The following LAMA1 variants were observed in gnomAD, a reference collection of about 807,000 sequenced individuals.
LAMA1 encodes laminin subunit alpha 1.
A neutral mutation model predicts 348.7 loss-of-function variants in LAMA1; 219 were observed. The observed-to-expected ratio is 0.63, with a 90% confidence interval of 0.56 to 0.70. The LOEUF is 0.70. Ranked by LOEUF, LAMA1 falls within the 30% of genes least tolerant of loss-of-function variation. The pLI is 0.00. For missense variants in LAMA1, 3,744 were observed against 3,888.0 expected, an observed-to-expected ratio of 0.96 and a Z score of 0.99; for synonymous variants, 1,487 against 1,491.0, an observed-to-expected ratio of 1.00 and a Z score of 0.06.
At position 7,080,047 on chromosome 18, in the gene LAMA1, G is replaced by C; in HGVS notation, c.273C>G (p.Asn91Lys). The C allele has an allele frequency of 6.2e-7, 1 of 1,614,062 alleles. No homozygotes were observed. Among genetic ancestry groups the C allele is most frequent in the Non-Finnish European group, 8.5e-7 (1 of 1,179,904 alleles). The stretch of plus-strand genomic sequence containing the variant: ...TCTGAATGCTGGGACTTTGCCACCA[G>C]TTATTGGTGCCATCTATGGCATGTG... ...PISHAIDGTN[N>K]WWQSPSIQNG... The change falls in exon 3 of 63, where the codon AAC becomes AAG. Residue 91 changes from asparagine to lysine, a missense_variant. By Grantham distance (94) the Asn-to-Lys change is moderately conservative. Transcript: ENST00000389658.
intron 8 of LAMA1, chr18:7,042,918 A>C: frequency 3.1e-6 from 1 of 318,038 alleles, no homozygotes; most frequent in East Asian, 6.5e-5. Flanking sequence ...TTGGCTGAAC[A>C]TCTCCTACAG....
intron 3 of LAMA1, among the ~76,000 whole-genome samples, chr18:7,058,269 T>G (rs1038874643): frequency 7.2e-5 from 11 of 152,178 alleles, no homozygotes. Flanking sequence ...ACTTTTATCT[T>G]GATCAAAGAC....
Position 6,997,815 on chromosome 18 carries a change from A to T in LAMA1, c.4733T>A (p.Leu1578Gln), listed in dbSNP as rs2057789566. The T allele has an allele frequency of 6.2e-7, 1 of 1,613,966 alleles. No individual in the cohort carries two copies. The highest frequency in any genetic ancestry group is 1.3e-5 in the African/African-American group (1 of 74,942). Residue 1578 changes from leucine to glutamine, a missense_variant, in exon 33 of 63, where the codon CTG becomes CAG. Physicochemically the swap from Leu to Gln is moderately radical, Grantham distance 113. This residue lies in a region of LAMA1 where 1,983 missense variants were observed against 1,934.3 expected (regional missense o/e 1.03). Transcript: ENST00000389658. The stretch of plus-strand genomic sequence containing the variant: ...GACAGGGATAATGCCAGTGAGGTTC[A>T]GAGAAAGAACGGCATCACCAATCTC... ...LDEIGDAVLS[L>Q]NLTGIIPVPY...
chr18:6,965,314 ATT>A lies in LAMA1; in HGVS notation c.7167_7168del (p.Lys2389AsnfsTer19). 1 of 1,614,182 alleles carries A rather than the reference ATT, an allele frequency of 6.2e-7. No homozygotes were observed. Among genetic ancestry groups the A allele is most frequent in the East Asian group, 2.2e-5 (1 of 44,880 alleles). ...TTGCTTCCGGTTTCGCTGGAAGGCAATTTTGTACCAGGTTCCATTGTTATAAC... is the reference window on the plus strand; with the variant it reads ...TTGCTTCCGGTTTCGCTGGAAGGCAATTGTACCAGGTTCCATTGTTATAAC... On this transcript the variant is annotated frameshift_variant, in exon 50 of 63. Transcript: ENST00000389658. LOFTEE classifies it high-confidence loss of function.
At chr18:7,083,158 T>C (rs2143787723) in intron 1 of LAMA1, among the ~76,000 whole-genome samples, 1 of 152,048 alleles carries the variant, frequency 6.6e-6, no homozygotes, top group Admixed American at 6.6e-5. Context: ...TAGACAGGTT[T>C]CTTACCTGGC....
chr18:7,017,390 C>T lies in LAMA1; in HGVS notation c.2702-6G>A. ...TTTCACATGGCATTCACAGGCTAAA[C>T]ACATGCACACAAAGACATATTAACC... On this transcript the variant is annotated splice_region_variant and splice_polypyrimidine_tract_variant and intron_variant, in intron 19 of 62. Coordinates refer to ENST00000389658, the MANE Select transcript of LAMA1 (RefSeq NM_005559.4). 6.2e-7 allele frequency: 1 copy of T among 1,600,096 alleles called. No individual in the cohort carries two copies. The highest frequency in any genetic ancestry group is 1.3e-5 in the African/African-American group (1 of 74,648).
chr18:6,992,491 C>G (rs1330871209), intron 36 of LAMA1, 70 bp downstream of exon 36: 4 of 1,540,402 alleles, frequency 2.6e-6, no homozygotes, highest in Non-Finnish European at 3.6e-6. Flanking sequence ...ATGCCTCCTT[C>G]TCCTTTGGAG....
chr18:7,081,544 C>T (rs925742124), intron 1 of LAMA1, among the ~76,000 whole-genome samples: 2 of 152,142 alleles, frequency 1.3e-5, no homozygotes, highest in Non-Finnish European at 2.9e-5. Context: ...GTTCCTTTGT[C>T]TCAGCTGATT....
intron 3 of LAMA1, among the ~76,000 whole-genome samples, chr18:7,060,594 T>A (rs965057035): frequency 6.6e-6 from 1 of 152,164 alleles, no homozygotes; most frequent in Admixed American, 6.5e-5. Context: ...GCTGAGATAC[T>A]TAAAGTGGAC....
intron 14 of LAMA1, among the ~76,000 whole-genome samples, 187 bp from the exon 15 acceptor site, chr18:7,033,282 T>C (rs1321509725): frequency 2.6e-5 from 4 of 151,936 alleles, no homozygotes; most frequent in African/African-American, 9.7e-5. Context: ...CTGGCTAATA[T>C]GGTGAAACTA....
intron 1 of LAMA1, among the ~76,000 whole-genome samples, chr18:7,102,445 C>T (rs947756761): frequency 5.9e-5 from 9 of 151,902 alleles, no homozygotes; most frequent in South Asian, 2.1e-4. Flanking sequence ...CTCTACTATA[C>T]GTAAAAATAT....
At chr18:7,080,524 C>A in intron 1 of LAMA1, 67 bp from the exon 2 acceptor site, 1 of 1,522,338 alleles carries the variant, frequency 6.6e-7, no homozygotes, top group East Asian at 2.3e-5. Context: ...TACCCCATCC[C>A]ACTTGGTAGG....
At chr18:6,999,111 C>A (rs1006599022) in intron 32 of LAMA1, among the ~76,000 whole-genome samples, 1 of 151,858 alleles carries the variant, frequency 6.6e-6, no homozygotes, top group Non-Finnish European at 1.5e-5. Context: ...CAAATGACAA[C>A]CCCACAAAGC....
chr18:7,099,266 G>A (rs1259520334), intron 1 of LAMA1, among the ~76,000 whole-genome samples: 1 of 150,298 alleles, frequency 6.7e-6, no homozygotes, highest in Non-Finnish European at 1.5e-5. Context: ...ATGCTTGAAG[G>A]CAGCATGCTC....
At chr18:7,082,822 G>T (rs950998591) in intron 1 of LAMA1, among the ~76,000 whole-genome samples, 4 of 152,144 alleles carry the variant, frequency 2.6e-5, no homozygotes, top group African/African-American at 9.7e-5. Context: ...AAGGTTACAA[G>T]AACTGACTTC....
At chr18:7,038,500 G>A in intron 11 of LAMA1, 1 of 414,858 alleles carries the variant, frequency 2.4e-6, no homozygotes, top group Non-Finnish European at 4.5e-6. Context: ...GAGAGCAGCA[G>A]GGGCGGGCGG....
At chr18:7,116,444 A>T (rs2058356793) in intron 1 of LAMA1, among the ~76,000 whole-genome samples, 1 of 152,156 alleles carries the variant, frequency 6.6e-6, no homozygotes, top group Non-Finnish European at 1.5e-5. Context: ...GCAGCTATTC[A>T]ATGCTGCGTT....
intron 48 of LAMA1, among the ~76,000 whole-genome samples, chr18:6,967,693 C>A (rs567384443): frequency 5.6e-4 from 85 of 152,264 alleles, no homozygotes; most frequent in African/African-American, 9.9e-4. Flanking sequence ...GATTAAAGTA[C>A]CTTGTTCAAG....
In LAMA1 at chr18:6,958,470, C is replaced by T; in HGVS notation, c.7964+7G>A. On this transcript the variant is annotated splice_region_variant and intron_variant, in intron 55 of 62. Transcript: ENST00000389658. ...TGCAAGAACATGCAGAGAGCAGGTA[C>T]ACTTACTCCAAATTGAAGATCAGGT... 2 of 1,614,114 alleles carry T rather than the reference C, an allele frequency of 1.2e-6. No homozygotes were observed. Among genetic ancestry groups the T allele is most frequent in the Non-Finnish European group, 1.7e-6 (2 of 1,179,956 alleles).
Sources: allele counts gnomAD v4.1 joint callset (sites outside exome capture counted in the v4.1 genomes callset), GRCh38; gene constraint gnomAD v4.1.1; regional missense constraint gnomAD v4.1.1; transcripts MANE v1.5; gene names NCBI Gene and HGNC (gene_info 2026-07-23, HGNC 2026-07-21).